Variants in CEP63 observed in about 807,000 individuals in gnomAD.
CEP63 encodes centrosomal protein 63.
Under a neutral mutation model 89.1 loss-of-function variants are expected in CEP63, and 84 were observed. The ratio of observed to expected loss-of-function variants is 0.94; its 90% confidence interval spans 0.79 to 1.13. The LOEUF (loss-of-function observed/expected upper bound fraction) is 1.13, where lower values mean the gene tolerates loss of function less well. Ranked by LOEUF, CEP63 falls within the 50% of genes most tolerant of loss-of-function variation. The pLI is 0.00. For synonymous variants in CEP63, 267 were observed against 272.5 expected, an observed-to-expected ratio of 0.98 and a Z score of 0.20; for missense variants, 838 against 813.3, an observed-to-expected ratio of 1.03 and a Z score of -0.37.
the CEP63 span, among the ~76,000 whole-genome samples, chr3:134,731,410 C>G: frequency 6.6e-6 from 1 of 151,966 alleles, no homozygotes; most frequent in Non-Finnish European, 1.5e-5. Context: ...ATATAGAGAC[C>G]ACATATTTGA....
At chr3:134,644,057 C>T in the CEP63 span, among the ~76,000 whole-genome samples, 1 of 152,096 alleles carries the variant, frequency 6.6e-6, no homozygotes, top group African/African-American at 2.4e-5. Flanking sequence ...GATCTCCTGA[C>T]CTTGTGATTC....
chr3:134,775,296 G>A, the CEP63 span, among the ~76,000 whole-genome samples: 1 of 152,318 alleles, frequency 6.6e-6, no homozygotes, highest in South Asian at 2.1e-4. Context: ...GAACAAGGAT[G>A]CAGTCCTGGC....
the CEP63 span, among the ~76,000 whole-genome samples, chr3:134,700,014 G>A: frequency 2.6e-5 from 4 of 152,324 alleles, no homozygotes; most frequent in Admixed American, 1.3e-4. Context: ...CACTTTCAGG[G>A]GTCCGCTCTG....
intron 3 of CEP63, among the ~76,000 whole-genome samples, chr3:134,516,967 T>G (rs2108660376): frequency 6.6e-6 from 1 of 152,292 alleles, no homozygotes; most frequent in Admixed American, 6.5e-5. Context: ...TACTCTTAGA[T>G]CTTAGGTCAA....
At chr3:134,651,699 A>G in the CEP63 span, 1 of 814,916 alleles carries the variant, frequency 1.2e-6, no homozygotes, top group Non-Finnish European at 1.5e-6. Flanking sequence ...TCTGAAACGA[A>G]AGTCTTAAAG....
chr3:134,610,008 A>T, the CEP63 span, among the ~76,000 whole-genome samples: 1 of 152,138 alleles, frequency 6.6e-6, no homozygotes, highest in African/African-American at 2.4e-5. Flanking sequence ...GTGAGGTGAC[A>T]AAAGGGTCTG....
At chr3:134,593,020 C>T in the CEP63 span, among the ~76,000 whole-genome samples, 1 of 152,110 alleles carries the variant, frequency 6.6e-6, no homozygotes, top group African/African-American at 2.4e-5. Flanking sequence ...TGGATTGGCT[C>T]AGCTGCCCTA....
chr3:134,693,637 C>G, the CEP63 span, among the ~76,000 whole-genome samples: 1 of 152,132 alleles, frequency 6.6e-6, no homozygotes, highest in Non-Finnish European at 1.5e-5. Flanking sequence ...GCAATTGAGG[C>G]TCAGATGTTC....
the CEP63 span, among the ~76,000 whole-genome samples, chr3:134,763,825 C>A: frequency 2.0e-5 from 3 of 152,204 alleles, no homozygotes; most frequent in African/African-American, 7.2e-5. Flanking sequence ...AGTGAATGCT[C>A]TTCAGGCTCC....
rs186668601 is a variant in CEP63, at chr3:134,582,403, C to G, written c.1207-5055C>G. Among the ~76,000 whole-genome samples the G allele has an allele frequency of 1.4e-3, 211 of 152,024 alleles. 2 individuals are homozygous for G. The highest frequency in any genetic ancestry group is 4.8e-3 in the African/African-American group (201 of 41,486). ...GTCCAAGTGTTCCCTCTGTTCAACT[C>G]CCACCCAAGAGTGAGAACATGTAAT... On this transcript the variant is annotated intron_variant, in intron 10 of 10. Transcript: ENST00000683931.
chr3:134,766,311 A>G, the CEP63 span, among the ~76,000 whole-genome samples: 1 of 152,202 alleles, frequency 6.6e-6, no homozygotes, highest in Non-Finnish European at 1.5e-5. Context: ...CTGTGAGTCA[A>G]GTATTGCTCT....
At chr3:134,606,312 G>T in the CEP63 span, among the ~76,000 whole-genome samples, 1 of 152,144 alleles carries the variant, frequency 6.6e-6, no homozygotes, top group South Asian at 2.1e-4. Flanking sequence ...TCACGGCAGA[G>T]CCCTCAAGCT....
intron 3 of CEP63, among the ~76,000 whole-genome samples, chr3:134,525,194 G>A (rs964209906): frequency 3.3e-5 from 5 of 152,022 alleles, no homozygotes; most frequent in South Asian, 2.1e-4. Flanking sequence ...ATTCTCTGAC[G>A]TTTGTTTGTA....
intron 1 of CEP63, chr3:134,486,594 G>C (rs915022382): frequency 1.1e-6 from 1 of 898,592 alleles, no homozygotes; most frequent in African/African-American, 2.1e-5. Flanking sequence ...CACCTTCCCC[G>C]GCGGACCCAC....
chr3:134,581,929 C>A (rs1443370510), intron 10 of CEP63, among the ~76,000 whole-genome samples: 1 of 151,892 alleles, frequency 6.6e-6, no homozygotes, highest in Non-Finnish European at 1.5e-5. Context: ...CCCGCCTCGG[C>A]CTCCCAAAGT....
chr3:134,643,779 C>A, the CEP63 span, among the ~76,000 whole-genome samples: 1 of 151,994 alleles, frequency 6.6e-6, no homozygotes, highest in African/African-American at 2.4e-5. Context: ...GAGGTTCTGA[C>A]CTGGGACTTG....
chr3:134,713,473 C>T, the CEP63 span, among the ~76,000 whole-genome samples: 9 of 152,288 alleles, frequency 5.9e-5, no homozygotes, highest in African/African-American at 1.4e-4. Flanking sequence ...CTTGTGACCC[C>T]GAGGGGAGCT....
At chr3:134,532,983 G>C in intron 5 of CEP63, 83 bp downstream of exon 5, 1 of 1,460,594 alleles carries the variant, frequency 6.8e-7, no homozygotes, top group Non-Finnish European at 9.5e-7. Flanking sequence ...CTATTTTCTG[G>C]AACCAATTTT....
the CEP63 span, among the ~76,000 whole-genome samples, chr3:134,764,309 C>A: frequency 1.4e-3 from 217 of 152,302 alleles, no homozygotes; most frequent in Admixed American, 4.0e-3. Flanking sequence ...TGGACTTCAG[C>A]CCCAGGGTCC....
Sources: gnomAD v4.1 joint callset for allele counts (sites outside exome capture counted in the v4.1 genomes callset) on GRCh38, gnomAD v4.1.1 for gene constraint, MANE v1.5 for transcripts, NCBI Gene and HGNC (gene_info 2026-07-23, HGNC 2026-07-21) for gene names.